RMDN1: variants seen among roughly 807,000 people sequenced by gnomAD.
RMDN1 encodes regulator of microtubule dynamics 1, also known as regulator of microtubule dynamics protein 1.
Under a neutral mutation model 48.9 loss-of-function variants are expected in RMDN1, and 48 were observed. The ratio of observed to expected loss-of-function variants is 0.98; its 90% confidence interval spans 0.78 to 1.25. RMDN1 has a LOEUF of 1.25. Ranked by LOEUF, RMDN1 falls within the 50% of genes most tolerant of loss-of-function variation. The probability of loss-of-function intolerance (pLI) is 0.00; values close to 1 mark genes in which losing one functional copy is unlikely to be tolerated. For missense variants in RMDN1, 418 were observed against 373.4 expected (o/e 1.12, Z -0.98); for synonymous variants, 148 against 132.6 (o/e 1.12, Z -0.80).
intron 5 of RMDN1, chr8:86,481,721 A>G (rs1262313315): frequency 3.2e-6 from 2 of 631,326 alleles, no homozygotes; most frequent in Non-Finnish European, 5.0e-6. Context: ...TCAGGCCAAG[A>G]AGGTTCTGCT....
At chr8:86,491,253 G>GCCTC (rs1816449796) in intron 2 of RMDN1, among the ~76,000 whole-genome samples, 1 of 151,978 alleles carries the variant, frequency 6.6e-6, no homozygotes, top group Non-Finnish European at 1.5e-5. Flanking sequence ...TCCTGCCTCA[G>GCCTC]CCTCCTGAGT....
Position 86,490,633 on chromosome 8 carries a change from C to T in RMDN1, c.248-1994G>A, listed in dbSNP as rs146621842. On this transcript the variant is annotated intron_variant, in intron 2 of 9. Transcript: ENST00000406452. ...CGGCAAGATACAGAACTAAAGAACC[C>T]TAAGATAATAAATTTGTGTTGTTTA... Among the ~76,000 whole-genome samples the T allele has an allele frequency of 5.1e-4, 78 of 152,162 alleles. 1 individual carries two copies. The highest frequency in any genetic ancestry group is 9.0e-4 in the Non-Finnish European group (61 of 68,016).
Position 86,480,335 on chromosome 8 carries a change from A to G in RMDN1, c.586-3T>C, listed in dbSNP as rs1814151845. The G allele has an allele frequency of 6.7e-7, 1 of 1,501,506 alleles. No individual in the cohort carries two copies. Among genetic ancestry groups the G allele is most frequent in the Admixed American group, 1.9e-5 (1 of 53,460 alleles). The allele number at this position is 1,501,506 out of a possible 1,614,324, so 93.0% of individuals were successfully genotyped here. ...TTAGGGTTCAGTTCAATTGCTTTCT[A>G]ACAAGAAATGAGAAAAATAAATCAT... On this transcript the variant is annotated splice_region_variant and splice_polypyrimidine_tract_variant and intron_variant, in intron 5 of 9. Coordinates refer to ENST00000406452, the MANE Select transcript of RMDN1 (RefSeq NM_016033.3).
In RMDN1 at chr8:86,507,013, C is replaced by A. The variant is rs151325876; in HGVS notation, c.229G>T (p.Val77Phe). ...TGCTTACCTTTGGCTGTGGCATGAA[C>A]CACAGCAGCCTGAGAGATAACCTGG... ...TYQVISQAAV[V>F]HATAKVEEIL... The change falls in exon 2 of 10, where the codon GTT becomes TTT. Residue 77 changes from valine (V) to phenylalanine (F), a missense_variant. Coordinates refer to ENST00000406452, the MANE Select transcript of RMDN1 (RefSeq NM_016033.3). The A allele has an allele frequency of 4.4e-6, 7 of 1,605,412 alleles. No individual in the cohort carries two copies. Among genetic ancestry groups the A allele is most frequent in the Non-Finnish European group, 6.0e-6 (7 of 1,172,108 alleles).
At chr8:86,481,913 C>T in intron 5 of RMDN1, 1 of 784,780 alleles carries the variant, frequency 1.3e-6, no homozygotes, top group Non-Finnish European at 2.1e-6. Context: ...GTGGCTCGGC[C>T]AGACACGAAG....
chr8:86,494,776 C>T (rs550629790), intron 2 of RMDN1: 1 of 272,824 alleles, frequency 3.7e-6, no homozygotes, highest in East Asian at 1.1e-4. Context: ...AGGTTCAATA[C>T]CAGCCCAGCC....
At position 86,473,715 on chromosome 8, in the gene RMDN1, G is replaced by A. The variant is rs1200323425; in HGVS notation, c.*593C>T. 5 of 655,178 alleles carry A rather than the reference G, an allele frequency of 7.6e-6. No individual in the cohort carries two copies. The highest frequency in any genetic ancestry group is 1.4e-4 in the South Asian group (2 of 14,600). The allele number at this position is 655,178 out of a possible 1,614,324, so 40.6% of individuals were successfully genotyped here. On this transcript the variant is annotated 3_prime_UTR_variant, in exon 10 of 10. Coordinates refer to ENST00000406452, the MANE Select transcript of RMDN1 (RefSeq NM_016033.3). Reference sequence around the variant, plus strand: ...CGGGAGGCGGAGGCTGCAGTGGGCCGAGATTGTGCCACTGCACACCAGCCT... The same window carrying A: ...CGGGAGGCGGAGGCTGCAGTGGGCCAAGATTGTGCCACTGCACACCAGCCT...
chr8:86,472,869 C>CTT lies in RMDN1; in HGVS notation c.*1437_*1438dup, dbSNP rs1375337445. 5.5e-6 allele frequency: 1 copy of CTT among 183,048 alleles called. No homozygotes were observed. Among genetic ancestry groups the CTT allele is most frequent in the Admixed American group, 5.9e-5 (1 of 17,064 alleles). 11.3% of individuals were successfully genotyped at this position (183,048 alleles called of 1,614,324 possible). On this transcript the variant is annotated 3_prime_UTR_variant, in exon 10 of 10. Coordinates refer to ENST00000406452, the MANE Select transcript of RMDN1 (RefSeq NM_016033.3). Reference sequence around the variant, plus strand: ...TTTCTGATGGTTCAAGGTATGCAAACTTGGTCTCAATGCACAAAATTATTA... The same window carrying CTT: ...TTTCTGATGGTTCAAGGTATGCAAACTTTTGGTCTCAATGCACAAAATTATTA...
At chr8:86,496,151 G>A (rs1367256404) in intron 2 of RMDN1, among the ~76,000 whole-genome samples, 1 of 152,176 alleles carries the variant, frequency 6.6e-6, no homozygotes, top group Non-Finnish European at 1.5e-5. Flanking sequence ...GTCCTTAAAG[G>A]AGTGCTAAAC....
At chr8:86,482,730 T>C in intron 5 of RMDN1, 1 of 1,011,902 alleles carries the variant, frequency 9.9e-7, no homozygotes, top group Non-Finnish European at 1.6e-6. Flanking sequence ...CATCACAATG[T>C]GTCAAGCAGG....
upstream of RMDN1, among the ~76,000 whole-genome samples, chr8:86,513,250 T>C (rs1820142116): frequency 6.6e-6 from 1 of 152,154 alleles, no homozygotes. Context: ...GGCACATGCC[T>C]GTAATCCCAA....
At chr8:86,505,876 A>C (rs1314820618) in intron 2 of RMDN1, among the ~76,000 whole-genome samples, 1 of 137,058 alleles carries the variant, frequency 7.3e-6, no homozygotes, top group Non-Finnish European at 1.6e-5. Context: ...GAAACTCTTA[A>C]TTTCCCATAA....
At position 86,473,708 on chromosome 8, in the gene RMDN1, G is replaced by A; in HGVS notation, c.*600C>T. The A allele has an allele frequency of 1.7e-6, 1 of 595,590 alleles. No individual in the cohort carries two copies. Among genetic ancestry groups the A allele is most frequent in the Non-Finnish European group, 2.1e-6 (1 of 473,996 alleles). 36.9% of individuals were successfully genotyped at this position (595,590 alleles called of 1,614,324 possible). On this transcript the variant is annotated 3_prime_UTR_variant, in exon 10 of 10. Coordinates refer to ENST00000406452, the MANE Select transcript of RMDN1 (RefSeq NM_016033.3). ...TTGAACCCGGGAGGCGGAGGCTGCA[G>A]TGGGCCGAGATTGTGCCACTGCACA...
At chr8:86,468,782 T>C (rs1415663509), downstream of RMDN1, 13 of 449,480 alleles carry the variant, frequency 2.9e-5, no homozygotes, top group Non-Finnish European at 2.7e-5. Flanking sequence ...ATTATAGATA[T>C]CCAAGACCTA....
rs965601043 is a variant in RMDN1 at position 86,474,423 on chromosome 8, A to C, written c.895-65T>G. 3 of 1,338,736 alleles carry C rather than the reference A, an allele frequency of 2.2e-6. No homozygotes were observed. The African/African-American group carries it at 4.4e-5, about 20-fold the overall frequency. The allele number at this position is 1,338,736 out of a possible 1,614,324, so 82.9% of individuals were successfully genotyped here. ...CTAAGAGACTAACTTGTGAAATTTA[A>C]GTTTATAAAGTGGGGTTTCTAAGAG... is the stretch of plus-strand genomic sequence containing the variant. On this transcript the variant is annotated intron_variant, in intron 9 of 9. Transcript: ENST00000406452.
intron 1 of RMDN1, chr8:86,508,274 G>T: frequency 8.3e-6 from 4 of 482,452 alleles, no homozygotes; most frequent in Non-Finnish European, 1.4e-5. Context: ...GCGCGTGGGG[G>T]CAAACCCCAC....
chr8:86,510,386 A>G (rs1183816490), upstream of RMDN1, among the ~76,000 whole-genome samples: 1 of 152,228 alleles, frequency 6.6e-6, no homozygotes, highest in Non-Finnish European at 1.5e-5. Flanking sequence ...TCTAAATTCA[A>G]GATCAAATCT....
intron 5 of RMDN1, among the ~76,000 whole-genome samples, chr8:86,483,157 T>C (rs1814850739): frequency 6.6e-6 from 1 of 152,248 alleles, no homozygotes; most frequent in South Asian, 2.1e-4. Flanking sequence ...TAATGGAATT[T>C]GAAATGTAAG....
chr8:86,471,766 A>AT (rs1162477505), downstream of RMDN1, among the ~76,000 whole-genome samples: 1 of 152,220 alleles, frequency 6.6e-6, no homozygotes, highest in Admixed American at 6.5e-5. Context: ...AATAGAACTA[A>AT]TTTGAGTCCT....
Sources: allele counts gnomAD v4.1 joint callset (sites outside exome capture counted in the v4.1 genomes callset), GRCh38; gene constraint gnomAD v4.1.1; transcripts MANE v1.5; gene names NCBI Gene and HGNC (gene_info 2026-07-23, HGNC 2026-07-21).